The following ROBO1 variants were observed in gnomAD, a reference collection of about 807,000 sequenced individuals.
The protein encoded by ROBO1 is roundabout homolog 1.
A neutral mutation model predicts 195.9 loss-of-function variants in ROBO1; 149 were observed. That is an observed-to-expected ratio of 0.76 (90% CI 0.67 to 0.87). The LOEUF (loss-of-function observed/expected upper bound fraction) is 0.87. ROBO1 is among the 40% of genes least tolerant of loss of function. The probability of loss-of-function intolerance (pLI) is 0.00; values close to 1 mark genes in which losing one functional copy is unlikely to be tolerated. For missense variants in ROBO1, 1,933 were observed against 2,068.3 expected, an observed-to-expected ratio of 0.93 and a Z score of 1.27; for synonymous variants, 816 against 733.2, an observed-to-expected ratio of 1.11 and a Z score of -1.82.
chr3:78,942,808 G>T (rs2040209531), intron 3 of ROBO1, among the ~76,000 whole-genome samples: 1 of 152,196 alleles, frequency 6.6e-6, no homozygotes, highest in African/African-American at 2.4e-5. Context: ...TCAGGAGGCT[G>T]AGGTGGAAGG....
At chr3:79,351,857 A>T (rs1236770336) in intron 2 of ROBO1, among the ~76,000 whole-genome samples, 1 of 152,134 alleles carries the variant, frequency 6.6e-6, no homozygotes, top group East Asian at 1.9e-4. Flanking sequence ...GTGTGTCCTT[A>T]ACACACATGT....
intron 2 of ROBO1, among the ~76,000 whole-genome samples, chr3:79,513,994 A>G (rs1049046688): frequency 3.9e-5 from 6 of 152,206 alleles, no homozygotes; most frequent in African/African-American, 1.4e-4. Context: ...TTTGCTGATG[A>G]CAACAACTGT....
At chr3:79,689,630 G>C (rs991975273) in intron 1 of ROBO1, among the ~76,000 whole-genome samples, 2 of 151,938 alleles carry the variant, frequency 1.3e-5, no homozygotes, top group African/African-American at 4.8e-5. Flanking sequence ...AGGAAAAACA[G>C]CTGAGACTAA....
chr3:78,794,235 A>T (rs1395992943), intron 4 of ROBO1, among the ~76,000 whole-genome samples: 1 of 152,130 alleles, frequency 6.6e-6, no homozygotes, highest in Non-Finnish European at 1.5e-5. Flanking sequence ...TCTTTATCTC[A>T]ATATCCCTAT....
chr3:79,495,753 ATC>A (rs1414677017), intron 2 of ROBO1, among the ~76,000 whole-genome samples: 1 of 152,180 alleles, frequency 6.6e-6, no homozygotes, highest in Admixed American at 6.5e-5. Context: ...TTCTTTCTGT[ATC>A]TCTTTTTCCT....
chr3:78,790,523 T>C (rs1263315913), intron 4 of ROBO1, among the ~76,000 whole-genome samples: 1 of 152,210 alleles, frequency 6.6e-6, no homozygotes, highest in Non-Finnish European at 1.5e-5. Context: ...TATTATTCAA[T>C]ACCATCACCC....
chr3:79,631,607 A>G (rs1289864293), intron 1 of ROBO1, among the ~76,000 whole-genome samples: 1 of 152,080 alleles, frequency 6.6e-6, no homozygotes, highest in Non-Finnish European at 1.5e-5. Context: ...CTCAAAGTCA[A>G]TTGCAGCAGA....
intron 2 of ROBO1, among the ~76,000 whole-genome samples, chr3:79,546,756 G>C (rs1187486013): frequency 6.6e-6 from 1 of 152,074 alleles, no homozygotes; most frequent in Non-Finnish European, 1.5e-5. Context: ...GGTTATGTTT[G>C]GCATGCTCTA....
intron 1 of ROBO1, among the ~76,000 whole-genome samples, chr3:79,705,963 T>G (rs1021661229): frequency 6.6e-6 from 1 of 152,158 alleles, no homozygotes; most frequent in African/African-American, 2.4e-5. Flanking sequence ...AAAATTCCAC[T>G]TGTTCTTTGC....
chr3:79,753,400 A>C (rs1452971231), intron 1 of ROBO1, among the ~76,000 whole-genome samples: 1 of 152,160 alleles, frequency 6.6e-6, no homozygotes, highest in Non-Finnish European at 1.5e-5. Flanking sequence ...CTGGACTCAG[A>C]AGTCAGACAA....
intron 8 of ROBO1, among the ~76,000 whole-genome samples, chr3:78,706,413 G>A (rs942693241): frequency 6.6e-6 from 1 of 152,164 alleles, no homozygotes; most frequent in African/African-American, 2.4e-5. Context: ...ACCCTGGAGA[G>A]ATGGGAACCA....
At chr3:78,743,345 T>G (rs1194306984) in intron 5 of ROBO1, among the ~76,000 whole-genome samples, 1 of 152,098 alleles carries the variant, frequency 6.6e-6, no homozygotes, top group Non-Finnish European at 1.5e-5. Flanking sequence ...TTACTCCATC[T>G]ACCAGCTGTA....
intron 1 of ROBO1, among the ~76,000 whole-genome samples, chr3:79,645,592 A>G (rs951234110): frequency 6.6e-6 from 1 of 152,094 alleles, no homozygotes; most frequent in Non-Finnish European, 1.5e-5. Context: ...CAAAATACCA[A>G]TGACATTCTT....
chr3:78,615,440 T>C (rs1704057622), intron 27 of ROBO1, among the ~76,000 whole-genome samples: 1 of 152,188 alleles, frequency 6.6e-6, no homozygotes, highest in Non-Finnish European at 1.5e-5. Flanking sequence ...CTGTTTTTTT[T>C]GGTGGTGGAA....
chr3:79,574,738 A>G (rs1482465602), intron 2 of ROBO1, among the ~76,000 whole-genome samples: 1 of 151,906 alleles, frequency 6.6e-6, no homozygotes, highest in Non-Finnish European at 1.5e-5. Flanking sequence ...CAGGTTTACC[A>G]TATAATAAAT....
In ROBO1 at chr3:78,711,440, T is replaced by TTTCTTTCCTTCC. The variant is rs770070756; in HGVS notation, c.1045+2956_1045+2957insGGAAGGAAAGAA. ...CTTTCTTTCTTTCTTTCTTTCTTTC[T>TTTCTTTCCTTCC]TTCCTTCCTTCCTTCCTTCCTTCCT... On this transcript the variant is annotated intron_variant, in intron 8 of 30. Coordinates refer to ENST00000464233, the MANE Select transcript of ROBO1 (RefSeq NM_002941.4). Among the ~76,000 whole-genome samples the TTTCTTTCCTTCC allele has an allele frequency of 1.0e-3, 42 of 41,552 alleles. 1 individual carries two copies. Among genetic ancestry groups the TTTCTTTCCTTCC allele is most frequent in the Middle Eastern group, 0.031 (2 of 64 alleles). The allele number at this position is 41,552 out of a possible 152,430, so 27.3% of individuals were successfully genotyped here. A position where few individuals can be genotyped will look rare whatever the true frequency, so the allele number is the denominator to read the frequency against.
intron 2 of ROBO1, among the ~76,000 whole-genome samples, chr3:79,294,397 G>C (rs890838053): frequency 6.6e-6 from 1 of 152,012 alleles, no homozygotes; most frequent in Non-Finnish European, 1.5e-5. Flanking sequence ...GCTAGCCATA[G>C]GCAGAAAACT....
intron 2 of ROBO1, among the ~76,000 whole-genome samples, chr3:79,197,342 T>C (rs1330338866): frequency 6.6e-6 from 1 of 151,992 alleles, no homozygotes; most frequent in East Asian, 1.9e-4. Flanking sequence ...TCCAGCTTCA[T>C]CCATGTCCCT....
intron 8 of ROBO1, among the ~76,000 whole-genome samples, chr3:78,713,980 C>T (rs547943613): frequency 6.6e-6 from 1 of 152,254 alleles, no homozygotes; most frequent in African/African-American, 2.4e-5. Context: ...TGTACAGGCC[C>T]CTGAAAGTGG....
Sources: gnomAD v4.1 joint callset for allele counts (sites outside exome capture counted in the v4.1 genomes callset) on GRCh38, gnomAD v4.1.1 for gene constraint, MANE v1.5 for transcripts, NCBI Gene and HGNC (gene_info 2026-07-23, HGNC 2026-07-21) for gene names.